AGMO: variants seen among roughly 807,000 people sequenced by gnomAD.
AGMO encodes alkylglycerol monooxygenase, also known as glyceryl-ether monooxygenase.
Under a neutral mutation model 60.2 loss-of-function variants are expected in AGMO, and 75 were observed. The ratio of observed to expected loss-of-function variants is 1.25; its 90% confidence interval spans 1.03 to 1.51. AGMO has a LOEUF of 1.51. Among genes scored for constraint, AGMO ranks in the 40% most tolerant of loss-of-function variants. The pLI is 0.00. For missense variants in AGMO, 763 were observed against 525.5 expected (o/e 1.45, Z -4.42); for synonymous variants, 261 against 177.1 (o/e 1.47, Z -3.76).
the AGMO span, among the ~76,000 whole-genome samples, chr7:15,152,434 C>A: frequency 1.3e-5 from 2 of 152,008 alleles, no homozygotes. Flanking sequence ...TTGGTGCACC[C>A]ATCACCCAAG....
intron 9 of AGMO, 98 bp from the exon 10 acceptor site, chr7:15,385,660 T>C: frequency 2.7e-6 from 2 of 735,840 alleles, no homozygotes; most frequent in Non-Finnish European, 2.3e-6. Context: ...TCTGCTATTT[T>C]TTTTAAAAAA....
intron 12 of AGMO, among the ~76,000 whole-genome samples, chr7:15,285,942 C>T (rs1283497406): frequency 6.6e-6 from 1 of 151,836 alleles, no homozygotes; most frequent in Non-Finnish European, 1.5e-5. Context: ...AAAACTGAGG[C>T]TTGAGAAAGC....
At chr7:15,386,229 G>GATTAC (rs1783908715) in intron 9 of AGMO, among the ~76,000 whole-genome samples, 1 of 152,026 alleles carries the variant, frequency 6.6e-6, no homozygotes, top group Admixed American at 6.6e-5. Flanking sequence ...AGGTAATCAT[G>GATTAC]CTTCAAAGAA....
chr7:15,390,580 T>C (rs1232780567), intron 8 of AGMO, 91 bp downstream of exon 8: 7 of 1,045,642 alleles, frequency 6.7e-6, no homozygotes, highest in South Asian at 1.7e-5. Context: ...TAGTGTAATA[T>C]ACTTTCACTT....
chr7:15,556,882 G>A (rs1785158203), intron 2 of AGMO, among the ~76,000 whole-genome samples: 1 of 152,030 alleles, frequency 6.6e-6, no homozygotes, highest in Non-Finnish European at 1.5e-5. Flanking sequence ...TGACTAGGAA[G>A]TCTGCCTACT....
chr7:15,529,717 A>T (rs1254738604), intron 3 of AGMO, among the ~76,000 whole-genome samples: 3 of 108,988 alleles, frequency 2.8e-5, no homozygotes, highest in African/African-American at 1.0e-4. Flanking sequence ...CTATATATAT[A>T]CTATATACTC....
chr7:15,236,727 T>G (rs543394434), intron 12 of AGMO, among the ~76,000 whole-genome samples: 1 of 152,192 alleles, frequency 6.6e-6, no homozygotes, highest in Non-Finnish European at 1.5e-5. Context: ...CATTGCTATC[T>G]ACTGGAAGTT....
intron 3 of AGMO, among the ~76,000 whole-genome samples, chr7:15,542,174 T>G: frequency 6.6e-6 from 1 of 152,296 alleles, no homozygotes; most frequent in Admixed American, 6.5e-5. Flanking sequence ...AATTAAGCAT[T>G]ATGTTGAAGG....
chr7:15,122,589 ATCTG>A, the AGMO span, among the ~76,000 whole-genome samples: 1 of 152,022 alleles, frequency 6.6e-6, no homozygotes, highest in African/African-American at 2.4e-5. Context: ...TCCTCCAGAA[ATCTG>A]TCTTACTCCA....
At chr7:15,358,447 T>C (rs1279352656) in intron 12 of AGMO, 1 of 470,908 alleles carries the variant, frequency 2.1e-6, no homozygotes, top group Non-Finnish European at 4.4e-6. Flanking sequence ...GGGTGTTTCC[T>C]AAAGGGTGAG....
chr7:15,487,552 C>G (rs1012362318), intron 3 of AGMO, among the ~76,000 whole-genome samples: 6 of 152,104 alleles, frequency 3.9e-5, no homozygotes, highest in Admixed American at 3.3e-4. Flanking sequence ...AGGCAAATAA[C>G]TTAGATATCT....
At position 15,418,551 on chromosome 7, in the gene AGMO, G is replaced by A; in HGVS notation, c.609+7C>T. 6.4e-7 allele frequency: 1 copy of A among 1,556,050 alleles called. No homozygotes were observed. The highest frequency in any genetic ancestry group is 8.8e-7 in the Non-Finnish European group (1 of 1,140,120). ...ATAAAACTTACAAAGATAAAAAAAA[G>A]TTTTACCTCTGTATGGATCCAAAAT... On this transcript the variant is annotated splice_region_variant and intron_variant, in intron 5 of 12. Transcript: ENST00000342526.
At chr7:15,169,159 G>A in the AGMO span, among the ~76,000 whole-genome samples, 3 of 152,196 alleles carry the variant, frequency 2.0e-5, no homozygotes, top group South Asian at 6.2e-4. Flanking sequence ...CGAAGTCCCT[G>A]ATTGACTTTA....
At chr7:15,304,030 A>G (rs1292351546) in intron 12 of AGMO, among the ~76,000 whole-genome samples, 2 of 152,156 alleles carry the variant, frequency 1.3e-5, no homozygotes, top group Non-Finnish European at 2.9e-5. Context: ...CTAAAATAAC[A>G]AACTTGTGTT....
At chr7:15,236,759 C>A (rs971244629) in intron 12 of AGMO, among the ~76,000 whole-genome samples, 2 of 151,814 alleles carry the variant, frequency 1.3e-5, no homozygotes, top group Non-Finnish European at 2.9e-5. Flanking sequence ...AACAAACAAA[C>A]AAACCACAAG....
rs142579794 is a variant in AGMO at position 15,232,876 on chromosome 7, T to C, written c.1264-31517A>G. Among the ~76,000 whole-genome samples the C allele has an allele frequency of 4.0e-3, 610 of 151,202 alleles. 2 individuals are homozygous for C. The highest frequency in any genetic ancestry group is 0.012 in the African/African-American group (482 of 41,180). ...TGGTTTAAGCTATCACAAAAGTAGA[T>C]AGTCCTAGCAACAGCAAGTAGGAGG... On this transcript the variant is annotated intron_variant, in intron 12 of 12. Transcript: ENST00000342526.
chr7:15,350,471 G>A (rs1204510816), intron 12 of AGMO, among the ~76,000 whole-genome samples: 1 of 152,148 alleles, frequency 6.6e-6, no homozygotes, highest in East Asian at 1.9e-4. Flanking sequence ...AGAGTTTTAA[G>A]CAGTAATTCT....
intron 12 of AGMO, among the ~76,000 whole-genome samples, chr7:15,342,794 A>AAC (rs1554419129): frequency 1.4e-5 from 2 of 147,268 alleles, no homozygotes; most frequent in African/African-American, 5.3e-5. Flanking sequence ...AAAAAAAAAA[A>AAC]AAAAAAAAAA....
At chr7:15,489,905 C>T (rs1583606700) in intron 3 of AGMO, among the ~76,000 whole-genome samples, 1 of 152,054 alleles carries the variant, frequency 6.6e-6, no homozygotes, top group East Asian at 1.9e-4. Context: ...AGTAAACAGC[C>T]TCAAAATGCA....
Sources: allele counts gnomAD v4.1 joint callset (sites outside exome capture counted in the v4.1 genomes callset), GRCh38; gene constraint gnomAD v4.1.1; transcripts MANE v1.5; gene names NCBI Gene and HGNC (gene_info 2026-07-23, HGNC 2026-07-21).